Variants in SIPA1L2 observed in about 807,000 individuals in gnomAD.
The protein encoded by SIPA1L2 is signal-induced proliferation-associated 1-like protein 2.
In SIPA1L2, 56 loss-of-function variants were observed where a neutral mutation model predicts 163.9. The ratio of observed to expected loss-of-function variants is 0.34; its 90% CI spans 0.28 to 0.43. The LOEUF (loss-of-function observed/expected upper bound fraction) is 0.43, where lower values mean the gene tolerates loss of function less well. Ranked by LOEUF, SIPA1L2 falls within the 20% of genes least tolerant of loss-of-function variation. SIPA1L2 has a pLI of 1.00. For synonymous variants in SIPA1L2, 877 were observed against 865.7 expected, an observed-to-expected ratio of 1.01 and a Z score of -0.23; for missense variants, 1,974 against 2,193.5, an observed-to-expected ratio of 0.90 and a Z score of 2.00.
chr1:232,518,822 G>A (rs1371745397), intron 2 of SIPA1L2, among the ~76,000 whole-genome samples: 2 of 152,012 alleles, frequency 1.3e-5, no homozygotes, highest in Admixed American at 6.6e-5. Context: ...ACGGTGCCTG[G>A]AGCTGTTTCT....
intron 1 of SIPA1L2, among the ~76,000 whole-genome samples, chr1:232,624,509 A>G (rs1377373171): frequency 1.3e-5 from 2 of 152,218 alleles, no homozygotes; most frequent in African/African-American, 4.8e-5. Context: ...AACTCCACAC[A>G]ATAGTTCATC....
At chr1:232,469,267 T>C (rs1050235896) in intron 8 of SIPA1L2, among the ~76,000 whole-genome samples, 1 of 152,208 alleles carries the variant, frequency 6.6e-6, no homozygotes, top group Non-Finnish European at 1.5e-5. Flanking sequence ...GATTAGGACA[T>C]AGCAAAATTT....
At chr1:232,404,082 G>A (rs1487143328) in intron 20 of SIPA1L2, 43 bp downstream of exon 20, 1 of 1,608,884 alleles carries the variant, frequency 6.2e-7, no homozygotes, top group Non-Finnish European at 8.5e-7. Context: ...TACAGAAAAG[G>A]TTACAGGATA....
intron 10 of SIPA1L2, among the ~76,000 whole-genome samples, 171 bp downstream of exon 10, chr1:232,460,716 C>T (rs1210750899): frequency 6.6e-6 from 1 of 152,180 alleles, no homozygotes; most frequent in Non-Finnish European, 1.5e-5. Flanking sequence ...CTTTTCAATT[C>T]CTCGAACGAG....
intron 5 of SIPA1L2, 161 bp downstream of exon 5, chr1:232,490,713 T>A: frequency 1.3e-6 from 1 of 749,364 alleles, no homozygotes; most frequent in Non-Finnish European, 2.1e-6. Context: ...GCATCATGTT[T>A]CCAAACTAGT....
At chr1:232,531,618 G>T (rs1656948756) in intron 2 of SIPA1L2, among the ~76,000 whole-genome samples, 1 of 152,222 alleles carries the variant, frequency 6.6e-6, no homozygotes. Context: ...TCTGGCAGAA[G>T]AAGTCATGTA....
intron 4 of SIPA1L2, among the ~76,000 whole-genome samples, chr1:232,491,414 T>C (rs1665924189): frequency 1.3e-5 from 2 of 152,196 alleles, no homozygotes; most frequent in Admixed American, 1.3e-4. Context: ...ATGATGATCC[T>C]GGACCTGACC....
Position 232,509,655 on chromosome 1 carries a change from C to CA in SIPA1L2, c.1483+4201dup, listed in dbSNP as rs568986959. On this transcript the variant is annotated intron_variant, in intron 3 of 22. Coordinates refer to ENST00000674635, the MANE Select transcript of SIPA1L2 (RefSeq NM_020808.5). ...TGAAGCGGGAATGGGAATCTACTCC[C>CA]ACACCATAGGAGGCCTCCACCTCAC... Among the ~76,000 whole-genome samples the CA allele has an allele frequency of 3.1e-3, 477 of 152,330 alleles. 1 individual carries two copies. The highest frequency in any genetic ancestry group is 0.01 in the African/African-American group (436 of 41,564).
At chr1:232,503,916 C>T (rs1463954436) in intron 3 of SIPA1L2, among the ~76,000 whole-genome samples, 1 of 152,126 alleles carries the variant, frequency 6.6e-6, no homozygotes, top group Non-Finnish European at 1.5e-5. Flanking sequence ...GAGGGCAGGG[C>T]ATAGTGGCTC....
chr1:232,441,769 C>G lies in SIPA1L2; in HGVS notation c.3537G>C (p.Pro1179=), dbSNP rs564475184. The part of the protein sequence containing the change: ...REDTMEASRH[P]ETKWHGPPSK... ...CAATTTCCAGGAGTTCCTTATTACCCGGGTGCCTGCTTGCTTCCATGGTGT... is the reference window on the plus strand; with the variant it reads ...CAATTTCCAGGAGTTCCTTATTACCGGGGTGCCTGCTTGCTTCCATGGTGT... Residue 1179 remains proline, a splice_region_variant and synonymous_variant, in exon 13 of 23, where the codon CCG becomes CCC. Coordinates refer to ENST00000674635, the MANE Select transcript of SIPA1L2 (RefSeq NM_020808.5). 1 of 1,613,450 alleles carries G rather than the reference C, an allele frequency of 6.2e-7. No individual in the cohort carries two copies. Among genetic ancestry groups the G allele is most frequent in the Non-Finnish European group, 8.5e-7 (1 of 1,179,640 alleles).
chr1:232,439,793 G>A (rs6664207), intron 14 of SIPA1L2, among the ~76,000 whole-genome samples: 112,955 of 152,154 alleles, frequency 0.74, 42,988 homozygotes, highest in African/African-American at 0.91. Context: ...AAAATAATAA[G>A]CAAAGGTGAT....
intron 3 of SIPA1L2, among the ~76,000 whole-genome samples, chr1:232,501,895 C>A (rs941741413): frequency 1.7e-4 from 26 of 152,302 alleles, no homozygotes; most frequent in African/African-American, 5.3e-4. Flanking sequence ...TGCTCTTCTA[C>A]CTGCTTTCAT....
intron 1 of SIPA1L2, among the ~76,000 whole-genome samples, chr1:232,623,858 G>C (rs970714623): frequency 6.6e-6 from 1 of 151,798 alleles, no homozygotes; most frequent in Non-Finnish European, 1.5e-5. Context: ...GACCCTACAG[G>C]CTCCCTAGAA....
At chr1:232,590,653 A>C (rs1180091243) in intron 1 of SIPA1L2, among the ~76,000 whole-genome samples, 1 of 152,238 alleles carries the variant, frequency 6.6e-6, no homozygotes, top group Non-Finnish European at 1.5e-5. Context: ...CCATGCAACC[A>C]GCCACACACA....
Position 232,415,614 on chromosome 1 carries a change from A to G in SIPA1L2, c.4642T>C (p.Phe1548Leu). ...TTATCTGATAAGGACCCATCGGAGA[A>G]CCAGAACTCATCTAAACAGAAACAA... Reference protein sequence around the residue: ...SMGSLRNEFWFSDGSLSDKSK... With the variant: ...SMGSLRNEFWLSDGSLSDKSK... Residue 1548 changes from phenylalanine to leucine, a missense_variant, in exon 19 of 23, where the codon TTC becomes CTC. Phe to Leu is a conservative substitution (Grantham distance 22). This residue lies in a region of SIPA1L2 where 1,079 missense variants were observed against 1,150.7 expected (regional missense o/e 0.94). Transcript: ENST00000674635. 1.9e-6 allele frequency: 3 copies of G among 1,614,124 alleles called. No homozygotes were observed. The highest frequency in any genetic ancestry group is 2.5e-6 in the Non-Finnish European group (3 of 1,179,992).
chr1:232,514,462 C>T lies in SIPA1L2; in HGVS notation c.878G>A (p.Arg293Gln), dbSNP rs200347974. 228 of 1,614,176 alleles carry T rather than the reference C, an allele frequency of 1.4e-4. No homozygotes were observed. The East Asian group carries it at 2.0e-3, about 14-fold the overall frequency. The change falls in exon 3 of 23, where the codon CGA (arginine) becomes CAA (glutamine). Residue 293 changes from arginine to glutamine, a missense_variant. Arg to Gln is a conservative substitution (Grantham distance 43). Coordinates refer to ENST00000674635, the MANE Select transcript of SIPA1L2 (RefSeq NM_020808.5). ...CTCACTTTTAACAGTTCGAAGCTTT[C>T]GGAAGAGAGATGTTTCCACCGACTC... ...KSESVETSLF[R>Q]KLRTVKSEHE...
chr1:232,617,702 C>T (rs771681120), intron 1 of SIPA1L2, among the ~76,000 whole-genome samples: 9 of 151,874 alleles, frequency 5.9e-5, no homozygotes, highest in Non-Finnish European at 8.8e-5. Flanking sequence ...GTAAGTTGAC[C>T]GGGCAGGGAC....
chr1:232,533,373 A>G (rs574326458), intron 2 of SIPA1L2, among the ~76,000 whole-genome samples: 18 of 152,212 alleles, frequency 1.2e-4, no homozygotes, highest in Non-Finnish European at 2.2e-4. Context: ...TTCCTTCCCT[A>G]TCACCCAGTG....
Position 232,464,918 on chromosome 1 carries a change from G to C in SIPA1L2, c.2742C>G (p.Tyr914Ter). The C allele has an allele frequency of 6.2e-7, 1 of 1,614,144 alleles. No individual in the cohort carries two copies. The highest frequency in any genetic ancestry group is 8.5e-7 in the Non-Finnish European group (1 of 1,180,026). ...TSGLVSIKVF[Y>*]ERGECVLLSS... The stretch of plus-strand genomic sequence containing the variant: ...ACAGGAGGACACATTCTCCTCTTTC[G>C]TAAAACACTTTGATACTCACTAATC... The change falls in exon 9 of 23, where the codon TAC becomes TAG. Residue 914 changes from tyrosine to a stop codon, truncating the protein, a stop_gained. Transcript: ENST00000674635. LOFTEE classifies it high-confidence loss of function.
Sources: allele counts gnomAD v4.1 joint callset (sites outside exome capture counted in the v4.1 genomes callset), GRCh38; gene constraint gnomAD v4.1.1; regional missense constraint gnomAD v4.1.1; transcripts MANE v1.5; gene names NCBI Gene and HGNC (gene_info 2026-07-23, HGNC 2026-07-21).